Variants in SHISA6 observed in about 807,000 individuals in gnomAD.
SHISA6 encodes the protein protein shisa-6.
A neutral mutation model predicts 47.9 loss-of-function variants in SHISA6; 22 were observed. The ratio of observed to expected loss-of-function variants is 0.46; its 90% CI spans 0.33 to 0.66. The LOEUF is 0.66. Ranked by LOEUF, SHISA6 falls within the 30% of genes least tolerant of loss-of-function variation. SHISA6 has a pLI of 0.02. For missense variants in SHISA6, 680 were observed against 764.6 expected, an observed-to-expected ratio of 0.89 and a Z score of 1.30; for synonymous variants, 388 against 337.8, an observed-to-expected ratio of 1.15 and a Z score of -1.63.
intron 3 of SHISA6, among the ~76,000 whole-genome samples, chr17:11,542,783 A>G (rs2071844827): frequency 1.3e-5 from 2 of 152,174 alleles, no homozygotes; most frequent in South Asian, 4.2e-4. Context: ...ATGGGGGCCA[A>G]CATGATTCTC....
intron 2 of SHISA6, among the ~76,000 whole-genome samples, chr17:11,318,834 G>A (rs1010165829): frequency 7.9e-5 from 12 of 152,008 alleles, no homozygotes; most frequent in Admixed American, 6.6e-5. Flanking sequence ...AAATGACTTT[G>A]GATTTTTTTT....
Sources: allele counts gnomAD v4.1 joint callset (sites outside exome capture counted in the v4.1 genomes callset), GRCh38; gene constraint gnomAD v4.1.1; transcripts MANE v1.5; gene names NCBI Gene and HGNC (gene_info 2026-07-23, HGNC 2026-07-21).